The following ARHGAP15 variants were observed in gnomAD, a reference collection of about 807,000 sequenced individuals.
ARHGAP15 encodes the protein Rho GTPase activating protein 15.
Under a neutral mutation model 63.7 loss-of-function variants are expected in ARHGAP15, and 51 were observed. The ratio of observed to expected loss-of-function variants is 0.80; its 90% CI spans 0.64 to 1.01. The LOEUF is 1.01. Ranked by LOEUF, ARHGAP15 falls within the 50% of genes least tolerant of loss-of-function variation. ARHGAP15 has a pLI of 0.00. For synonymous variants in ARHGAP15, 191 were observed against 193.8 expected (o/e 0.99, Z 0.12); for missense variants, 560 against 564.6 (o/e 0.99, Z 0.08).
At chr2:143,533,707 C>G (rs1694621985) in intron 10 of ARHGAP15, among the ~76,000 whole-genome samples, 1 of 152,182 alleles carries the variant, frequency 6.6e-6, no homozygotes, top group South Asian at 2.1e-4. Context: ...TGGTACCCTC[C>G]TCCTCTCAAG....
At chr2:143,323,094 T>C (rs1684096883) in intron 6 of ARHGAP15, among the ~76,000 whole-genome samples, 1 of 152,330 alleles carries the variant, frequency 6.6e-6, no homozygotes, top group South Asian at 2.1e-4. Context: ...TTCAGTGTAC[T>C]TTTTACTTTG....
chr2:143,763,131 T>G (rs1574938007), intron 13 of ARHGAP15, among the ~76,000 whole-genome samples: 3 of 152,092 alleles, frequency 2.0e-5, no homozygotes, highest in Non-Finnish European at 4.4e-5. Context: ...ACAGTAGGAG[T>G]GAAATTATGG....
intron 13 of ARHGAP15, among the ~76,000 whole-genome samples, chr2:143,727,088 GCCT>G (rs1325880825): frequency 6.6e-6 from 1 of 152,110 alleles, no homozygotes; most frequent in Non-Finnish European, 1.5e-5. Context: ...GCAAAGCTTT[GCCT>G]TCCAACTCCA....
At chr2:143,532,102 G>A (rs969550193) in intron 10 of ARHGAP15, among the ~76,000 whole-genome samples, 4 of 152,148 alleles carry the variant, frequency 2.6e-5, no homozygotes, top group Non-Finnish European at 5.9e-5. Context: ...ACCAAGGGAT[G>A]GTGTTAACAA....
chr2:143,484,836 CAA>C (rs1692249478), intron 8 of ARHGAP15, among the ~76,000 whole-genome samples: 1 of 152,164 alleles, frequency 6.6e-6, no homozygotes, highest in African/African-American at 2.4e-5. Context: ...TCAATAGCCC[CAA>C]GTGACTAGTG....
chr2:143,232,395 C>A (rs1376719333), intron 5 of ARHGAP15, among the ~76,000 whole-genome samples: 2 of 152,214 alleles, frequency 1.3e-5, no homozygotes, highest in South Asian at 4.1e-4. Context: ...ACTGGCTGGT[C>A]CTCCAGTGAG....
At chr2:143,715,200 G>A (rs1483493918) in intron 13 of ARHGAP15, among the ~76,000 whole-genome samples, 1 of 152,184 alleles carries the variant, frequency 6.6e-6, no homozygotes, top group Non-Finnish European at 1.5e-5. Context: ...TGAGGAAGAT[G>A]CAAACACAGA....
intron 9 of ARHGAP15, among the ~76,000 whole-genome samples, chr2:143,515,261 C>G (rs1296903297): frequency 7.9e-6 from 1 of 126,856 alleles, no homozygotes; most frequent in Non-Finnish European, 1.6e-5. Context: ...TTATAATGAT[C>G]ACTTTACTAA....
intron 13 of ARHGAP15, among the ~76,000 whole-genome samples, chr2:143,728,013 A>G (rs1457112208): frequency 6.6e-6 from 1 of 152,228 alleles, no homozygotes; most frequent in Non-Finnish European, 1.5e-5. Context: ...TTCAATGTGA[A>G]TCTGAAGTCT....
At chr2:143,668,775 C>A (rs1321676309) in intron 12 of ARHGAP15, among the ~76,000 whole-genome samples, 1 of 152,144 alleles carries the variant, frequency 6.6e-6, no homozygotes, top group Non-Finnish European at 1.5e-5. Context: ...CCATCTGAAG[C>A]TAAATACATA....
At chr2:143,423,289 G>T (rs1358652476) in intron 6 of ARHGAP15, among the ~76,000 whole-genome samples, 1 of 152,112 alleles carries the variant, frequency 6.6e-6, no homozygotes, top group African/African-American at 2.4e-5. Flanking sequence ...ACTAATACAG[G>T]TTCTCAGTGA....
rs181623239 is a variant in ARHGAP15, at chr2:143,436,614, C to T, written c.574-299C>T. Among the ~76,000 whole-genome samples the T allele has an allele frequency of 8.8e-4, 134 of 152,116 alleles. 2 individuals are homozygous for T. Among genetic ancestry groups the T allele is most frequent in the Admixed American group, 7.0e-3 (107 of 15,270 alleles). On this transcript the variant is annotated intron_variant, in intron 7 of 13. Transcript: ENST00000295095. ...TGTGTGGCCTTAGGCAAATTACTTG[C>T]CTATTTTGGCCTCATTTTCTTAATG...
chr2:143,132,977 A>G (rs1301886603), intron 1 of ARHGAP15, among the ~76,000 whole-genome samples: 2 of 152,246 alleles, frequency 1.3e-5, no homozygotes, highest in African/African-American at 4.8e-5. Flanking sequence ...TATTATTTTA[A>G]TAATTATGAT....
intron 8 of ARHGAP15, among the ~76,000 whole-genome samples, chr2:143,466,898 C>T (rs1369351556): frequency 6.6e-6 from 1 of 152,104 alleles, no homozygotes; most frequent in African/African-American, 2.4e-5. Flanking sequence ...ATGTACTTCT[C>T]ATCACATGTT....
At chr2:143,456,673 TTA>T (rs1198503626) in intron 8 of ARHGAP15, among the ~76,000 whole-genome samples, 1 of 152,058 alleles carries the variant, frequency 6.6e-6, no homozygotes, top group Non-Finnish European at 1.5e-5. Context: ...ACACAGATAT[TTA>T]GTTTTGGAGT....
At chr2:143,704,008 G>GA (rs111878424) in intron 13 of ARHGAP15, 45,459 of 135,474 alleles carry the variant, frequency 0.34, 7,892 homozygotes, top group Admixed American at 0.4. Flanking sequence ...AGTCTTCCAG[G>GA]AAAAAAAAAA....
At chr2:143,288,622 C>T (rs1682233523) in intron 6 of ARHGAP15, among the ~76,000 whole-genome samples, 1 of 145,138 alleles carries the variant, frequency 6.9e-6, no homozygotes, top group Admixed American at 6.9e-5. Flanking sequence ...CCTCGGGACA[C>T]TTTTTTTTTT....
chr2:143,669,198 G>T (rs1007813090), intron 12 of ARHGAP15, among the ~76,000 whole-genome samples: 1 of 152,146 alleles, frequency 6.6e-6, no homozygotes, highest in African/African-American at 2.4e-5. Context: ...TTTCAGATAA[G>T]AAAATTTCAG....
chr2:143,615,494 A>G (rs1480908187), intron 11 of ARHGAP15, among the ~76,000 whole-genome samples: 1 of 152,204 alleles, frequency 6.6e-6, no homozygotes, highest in Non-Finnish European at 1.5e-5. Context: ...TGCTTTTCAT[A>G]TATTACATCA....
Sources: gnomAD v4.1 joint callset for allele counts (sites outside exome capture counted in the v4.1 genomes callset) on GRCh38, gnomAD v4.1.1 for gene constraint, MANE v1.5 for transcripts, NCBI Gene and HGNC (gene_info 2026-07-23, HGNC 2026-07-21) for gene names.